The following SORCS1 variants were observed in gnomAD, a reference collection of about 807,000 sequenced individuals.
SORCS1 encodes VPS10 domain-containing receptor SorCS1.
In SORCS1, 60 loss-of-function variants were observed where a neutral mutation model predicts 146.1. That is an observed-to-expected ratio of 0.41 (90% CI 0.33 to 0.51). The LOEUF (loss-of-function observed/expected upper bound fraction) is 0.51. SORCS1 is among the 20% of genes least tolerant of loss of function. The pLI, the probability that SORCS1 is intolerant of heterozygous loss-of-function variation, is 0.21. For missense variants in SORCS1, 1,352 were observed against 1,487.6 expected (o/e 0.91, Z 1.50); for synonymous variants, 637 against 584.0 (o/e 1.09, Z -1.31).
chr10:106,936,221 T>A (rs577737429), intron 2 of SORCS1, among the ~76,000 whole-genome samples: 1 of 152,230 alleles, frequency 6.6e-6, no homozygotes, highest in African/African-American at 2.4e-5. Flanking sequence ...TCTTTTTCCT[T>A]CCTGTTTCCA....
intron 2 of SORCS1, among the ~76,000 whole-genome samples, chr10:106,949,083 A>T (rs1046743363): frequency 6.6e-6 from 1 of 152,216 alleles, no homozygotes; most frequent in Non-Finnish European, 1.5e-5. Flanking sequence ...CACAATCCAG[A>T]ACACCTCCGG....
At chr10:106,593,967 C>T (rs1294729215) in intron 24 of SORCS1, among the ~76,000 whole-genome samples, 2 of 152,184 alleles carry the variant, frequency 1.3e-5, no homozygotes, top group Admixed American at 1.3e-4. Flanking sequence ...GAATTGGAAA[C>T]ATTTTTCAGT....
intron 2 of SORCS1, among the ~76,000 whole-genome samples, chr10:106,919,916 T>C (rs1304690273): frequency 6.6e-6 from 1 of 152,234 alleles, no homozygotes; most frequent in African/African-American, 2.4e-5. Context: ...TAAATACGGC[T>C]TGAGTTTCAC....
At chr10:106,698,979 G>A (rs1420125486) in intron 9 of SORCS1, among the ~76,000 whole-genome samples, 1 of 152,112 alleles carries the variant, frequency 6.6e-6, no homozygotes, top group African/African-American at 2.4e-5. Context: ...AGTCCACAAA[G>A]CCTTCATGTC....
rs563604982 is a variant in SORCS1, at chr10:106,747,047, A to C, written c.959+14541T>G. Among the ~76,000 whole-genome samples the C allele has an allele frequency of 1.1e-4, 16 of 152,304 alleles. No homozygotes were observed. In the East Asian group the frequency reaches 3.1e-3, roughly 29 times the overall value. ...TTCAGCACATGATAATGGCTTTGTA[A>C]TTCAATTATTGGTAGTATTTGTCTT... is the stretch of plus-strand genomic sequence containing the variant. On this transcript the variant is annotated intron_variant, in intron 5 of 25. Coordinates refer to ENST00000263054, the MANE Select transcript of SORCS1 (RefSeq NM_052918.5).
chr10:106,968,049 A>G (rs918618080), intron 1 of SORCS1, among the ~76,000 whole-genome samples: 3 of 151,846 alleles, frequency 2.0e-5, no homozygotes, highest in African/African-American at 4.8e-5. Flanking sequence ...CTAAAGAAAA[A>G]AAAAAAAAAA....
intron 2 of SORCS1, among the ~76,000 whole-genome samples, chr10:106,841,356 G>A (rs1278522546): frequency 1.3e-5 from 2 of 152,022 alleles, no homozygotes; most frequent in East Asian, 3.9e-4. Context: ...TGTAATCCCA[G>A]CTACTCGGGA....
chr10:107,175,835 A>G, the SORCS1 span, among the ~76,000 whole-genome samples: 5 of 152,090 alleles, frequency 3.3e-5, no homozygotes, highest in Non-Finnish European at 7.4e-5. Context: ...AATTTGTTTT[A>G]TTATTGTATT....
At chr10:106,886,253 A>G (rs1950996847) in intron 2 of SORCS1, among the ~76,000 whole-genome samples, 1 of 151,946 alleles carries the variant, frequency 6.6e-6, no homozygotes, top group South Asian at 2.1e-4. Flanking sequence ...CAAGAGTGAG[A>G]CTCTGTTTCA....
chr10:106,582,328 A>C (rs1408402034), intron 24 of SORCS1, among the ~76,000 whole-genome samples: 2 of 152,170 alleles, frequency 1.3e-5, no homozygotes, highest in Non-Finnish European at 2.9e-5. Flanking sequence ...CCCAGTTCTA[A>C]AATGTGTGTT....
chr10:107,060,908 T>C lies in SORCS1; in HGVS notation c.558+103061A>G, dbSNP rs1388070914. Among the ~76,000 whole-genome samples the C allele has an allele frequency of 6.6e-6, 1 of 152,198 alleles. No individual in the cohort carries two copies. The highest frequency in any genetic ancestry group is 1.5e-5 in the Non-Finnish European group (1 of 68,032). On this transcript the variant is annotated intron_variant, in intron 1 of 25. Transcript: ENST00000263054. This position sits in a 1 kb window ranked among gnomAD's most constrained non-coding sequence, Gnocchi z 4.1. Reference sequence around the variant, plus strand: ...TTAAAAATTCTCAATAAATGTGTACTGAATGAAGTCCTCACATTTTCAAAT... The same window carrying C: ...TTAAAAATTCTCAATAAATGTGTACCGAATGAAGTCCTCACATTTTCAAAT...
At chr10:107,167,420 C>A (rs541512275), upstream of SORCS1, among the ~76,000 whole-genome samples, 1 of 152,222 alleles carries the variant, frequency 6.6e-6, no homozygotes, top group East Asian at 1.9e-4. Flanking sequence ...ATATCAAAGG[C>A]TAGTAGAGAA....
intron 1 of SORCS1, among the ~76,000 whole-genome samples, chr10:107,123,825 C>A (rs1176943438): frequency 6.6e-6 from 1 of 151,922 alleles, no homozygotes; most frequent in African/African-American, 2.4e-5. Context: ...CGCCTGTAAT[C>A]CCAGCACTTT....
chr10:106,637,402 G>A lies in SORCS1; in HGVS notation c.2476-8014C>T, dbSNP rs140077723. ...TCACTTTCAAAACTGAGCTCTGGAA[G>A]ATGACTCTAAAATGTCCAAATCCAT... On this transcript the variant is annotated intron_variant, in intron 18 of 25. Transcript: ENST00000263054. Among the ~76,000 whole-genome samples, 33 of 152,308 alleles carry A rather than the reference G, an allele frequency of 2.2e-4. 1 individual carries two copies. The East Asian group carries it at 4.8e-3, about 22-fold the overall frequency.
chr10:107,087,417 G>A (rs976598952), intron 1 of SORCS1, among the ~76,000 whole-genome samples: 1 of 152,122 alleles, frequency 6.6e-6, no homozygotes, highest in Non-Finnish European at 1.5e-5. Context: ...AAAAGACAAT[G>A]TAATATAATG....
rs535518820 is a variant in SORCS1 at position 106,776,770 on chromosome 10, T to A, written c.727-78A>T. 4 of 1,523,842 alleles carry A rather than the reference T, an allele frequency of 2.6e-6. No individual in the cohort carries two copies. The East Asian group carries it at 9.2e-5, about 35-fold the overall frequency. 94.4% of individuals were successfully genotyped at this position (1,523,842 alleles called of 1,614,324 possible). A position where few individuals can be genotyped will look rare whatever the true frequency, so the allele number is the denominator to read the frequency against. On this transcript the variant is annotated intron_variant, in intron 3 of 25. Transcript: ENST00000263054. ...TTTGCAAAACTTGAAAATTAGCTAATTTTTGACAAGGGAAGGACAGGGGCA... is the reference window on the plus strand; with the variant it reads ...TTTGCAAAACTTGAAAATTAGCTAAATTTTGACAAGGGAAGGACAGGGGCA...
intron 13 of SORCS1, among the ~76,000 whole-genome samples, chr10:106,675,659 C>T (rs1851972206): frequency 6.6e-6 from 1 of 152,152 alleles, no homozygotes; most frequent in Admixed American, 6.5e-5. Context: ...CTCTTGAAAG[C>T]AAGAGAAGAT....
intron 18 of SORCS1, among the ~76,000 whole-genome samples, chr10:106,646,435 C>T (rs1402643971): frequency 6.6e-6 from 1 of 151,946 alleles, no homozygotes; most frequent in African/African-American, 2.4e-5. Flanking sequence ...GTGGCTCACG[C>T]TTGTTATCCC....
chr10:106,813,128 CTTTTTTTT>C (rs71025557), intron 3 of SORCS1, among the ~76,000 whole-genome samples: 3 of 98,746 alleles, frequency 3.0e-5, no homozygotes, highest in African/African-American at 7.9e-5. Context: ...CTTCTCTTTT[CTTTTTTTT>C]TTTTTTTTTT....
Sources: gnomAD v4.1 joint callset for allele counts (sites outside exome capture counted in the v4.1 genomes callset) on GRCh38, gnomAD v4.1.1 for gene constraint, Gnocchi (gnomAD v3.1) non-coding constraint, MANE v1.5 for transcripts, NCBI Gene and HGNC (gene_info 2026-07-23, HGNC 2026-07-21) for gene names.